Variants in SAMD12 observed in about 807,000 individuals in gnomAD.
SAMD12 encodes the protein sterile alpha motif domain containing 12, also known as sterile alpha motif domain-containing protein 12.
In SAMD12, 9 loss-of-function variants were observed where a neutral mutation model predicts 15.0. That is an observed-to-expected ratio of 0.60 (90% confidence interval 0.36 to 1.05). The LOEUF (loss-of-function observed/expected upper bound fraction) is 1.05, where lower values mean the gene tolerates loss of function less well. Among genes scored for constraint, SAMD12 ranks in the 50% least tolerant of loss-of-function variants. SAMD12 has a pLI of 0.01. For missense variants in SAMD12, 230 were observed against 234.2 expected, an observed-to-expected ratio of 0.98 and a Z score of 0.12; for synonymous variants, 86 against 90.1, an observed-to-expected ratio of 0.96 and a Z score of 0.25.
At chr8:118,375,083 G>T (rs908476676), downstream of SAMD12, among the ~76,000 whole-genome samples, 1 of 152,082 alleles carries the variant, frequency 6.6e-6, no homozygotes, top group Non-Finnish European at 1.5e-5. Context: ...TGGCTGCAAA[G>T]ACTAAAATAC....
At chr8:118,321,158 T>A (rs1400221595) in intron 4 of SAMD12, among the ~76,000 whole-genome samples, 7 of 65,060 alleles carry the variant, frequency 1.1e-4, no homozygotes, top group African/African-American at 5.4e-4. Flanking sequence ...TATATATATA[T>A]ATATATATAT....
At chr8:118,610,500 T>C in intron 1 of SAMD12, among the ~76,000 whole-genome samples, 1 of 152,162 alleles carries the variant, frequency 6.6e-6, no homozygotes, top group East Asian at 1.9e-4. Context: ...TTAGTTATCT[T>C]CTCTGGAGCT....
At chr8:118,596,052 T>G (rs904761320) in intron 1 of SAMD12, among the ~76,000 whole-genome samples, 1 of 152,216 alleles carries the variant, frequency 6.6e-6, no homozygotes, top group East Asian at 1.9e-4. Context: ...GTCCCTTATG[T>G]ACTTGTGATA....
chr8:118,547,965 T>C (rs962836317), intron 2 of SAMD12, among the ~76,000 whole-genome samples: 1 of 152,116 alleles, frequency 6.6e-6, no homozygotes, highest in Non-Finnish European at 1.5e-5. Context: ...CTTGAGGACA[T>C]CCTGGATTAA....
intron 1 of SAMD12, among the ~76,000 whole-genome samples, chr8:118,586,213 T>C (rs1262016174): frequency 3.3e-5 from 5 of 152,240 alleles, no homozygotes; most frequent in African/African-American, 1.2e-4. Flanking sequence ...ATGCTCTTCC[T>C]TTCCCTTATT....
intron 3 of SAMD12, among the ~76,000 whole-genome samples, chr8:118,429,298 C>A (rs1294933579): frequency 6.6e-6 from 1 of 152,128 alleles, no homozygotes; most frequent in South Asian, 2.1e-4. Context: ...ACTTTTTGAA[C>A]ACCAGCATGA....
At chr8:118,495,718 T>C (rs890852620) in intron 2 of SAMD12, among the ~76,000 whole-genome samples, 16 of 152,148 alleles carry the variant, frequency 1.1e-4, no homozygotes, top group Non-Finnish European at 2.2e-4. Flanking sequence ...ACTTACCCCT[T>C]AGGGTTTTAG....
intron 2 of SAMD12, among the ~76,000 whole-genome samples, chr8:118,470,766 T>C (rs1206231061): frequency 2.0e-5 from 3 of 152,208 alleles, no homozygotes; most frequent in South Asian, 4.1e-4. Context: ...TATTAGAATA[T>C]GTGAATTCAC....
intron 3 of SAMD12, among the ~76,000 whole-genome samples, chr8:118,395,534 C>A (rs1280420129): frequency 6.6e-6 from 1 of 152,128 alleles, no homozygotes; most frequent in Admixed American, 6.6e-5. Context: ...TGTTCAGGGA[C>A]CAAAATGTCA....
rs374065909 is a variant in SAMD12 at position 118,580,847 on chromosome 8, A to C, written c.60T>G (p.His20Gln). The C allele has an allele frequency of 3.1e-6, 5 of 1,613,160 alleles. No individual in the cohort carries two copies. The African/African-American group carries it at 6.7e-5, about 22-fold the overall frequency. The change falls in exon 2 of 4, where the codon CAT (histidine) becomes CAG (glutamine). Residue 20 changes from histidine to glutamine, a missense_variant. By Grantham distance (24) the His-to-Gln change is conservative. Transcript: ENST00000314727. ...LNPRGIDHPA[H>Q]AEGIKLQIEG... ...CAATTTGCAGTTTAATACCTTCAGC[A>C]TGGGCAGGGTGATCAATACCCCGTG...
chr8:118,501,359 C>T (rs1054642794), intron 2 of SAMD12, among the ~76,000 whole-genome samples: 1 of 152,158 alleles, frequency 6.6e-6, no homozygotes, highest in Admixed American at 6.5e-5. Flanking sequence ...TGATGTAATA[C>T]ATATGTTAAT....
At chr8:118,187,145 A>T (rs1819256643), downstream of SAMD12, among the ~76,000 whole-genome samples, 1 of 152,218 alleles carries the variant, frequency 6.6e-6, no homozygotes, top group Admixed American at 6.5e-5. Flanking sequence ...TGAGAAAGGG[A>T]ACATCATCAA....
intron 2 of SAMD12, among the ~76,000 whole-genome samples, chr8:118,453,368 C>T (rs1439175111): frequency 6.6e-6 from 1 of 152,054 alleles, no homozygotes; most frequent in Non-Finnish European, 1.5e-5. Flanking sequence ...TCTCAGTGGT[C>T]CAGTGTCATA....
At chr8:118,366,404 A>G (rs1818769794) in intron 4 of SAMD12, among the ~76,000 whole-genome samples, 1 of 152,200 alleles carries the variant, frequency 6.6e-6, no homozygotes, top group Non-Finnish European at 1.5e-5. Flanking sequence ...AGAATTTAAT[A>G]TTCATCCCTG....
intron 1 of SAMD12, among the ~76,000 whole-genome samples, chr8:118,605,407 G>A (rs996485292): frequency 6.6e-6 from 1 of 152,110 alleles, no homozygotes; most frequent in African/African-American, 2.4e-5. Flanking sequence ...TGTTACTCCA[G>A]GTACAGCTAG....
chr8:118,149,743 T>C, the SAMD12 span, among the ~76,000 whole-genome samples: 1 of 152,212 alleles, frequency 6.6e-6, no homozygotes, highest in Non-Finnish European at 1.5e-5. Flanking sequence ...TTTTATTTAC[T>C]TTACCATAAT....
intron 2 of SAMD12, among the ~76,000 whole-genome samples, chr8:118,556,385 G>C (rs913142299): frequency 3.2e-4 from 49 of 152,058 alleles, no homozygotes; most frequent in Admixed American, 2.6e-3. Context: ...CATTCTTCAT[G>C]ACTCATGAGA....
intron 3 of SAMD12, among the ~76,000 whole-genome samples, chr8:118,433,278 G>A (rs1023396887): frequency 6.6e-6 from 1 of 152,174 alleles, no homozygotes; most frequent in Non-Finnish European, 1.5e-5. Flanking sequence ...GATCCATTTA[G>A]AGAGGAAACA....
intron 2 of SAMD12, among the ~76,000 whole-genome samples, chr8:118,523,016 C>T (rs1177602011): frequency 6.6e-6 from 1 of 152,118 alleles, no homozygotes. Context: ...GCTGAAAATG[C>T]AATTTTATTG....
Sources: allele counts gnomAD v4.1 joint callset (sites outside exome capture counted in the v4.1 genomes callset), GRCh38; gene constraint gnomAD v4.1.1; transcripts MANE v1.5; gene names NCBI Gene and HGNC (gene_info 2026-07-23, HGNC 2026-07-21).